GRM8: variants seen among roughly 807,000 people sequenced by gnomAD.
GRM8 encodes the protein glutamate metabotropic receptor 8.
A neutral mutation model predicts 87.2 loss-of-function variants in GRM8; 47 were observed. The observed-to-expected ratio is 0.54, with a 90% CI of 0.43 to 0.69. The LOEUF (loss-of-function observed/expected upper bound fraction) is 0.69. Ranked by LOEUF, GRM8 falls within the 30% of genes least tolerant of loss-of-function variation. The pLI, the probability that GRM8 is intolerant of heterozygous loss-of-function variation, is 0.00. For missense variants in GRM8, 1,019 were observed against 1,139.2 expected (o/e 0.89, Z 1.52); for synonymous variants, 396 against 404.5 (o/e 0.98, Z 0.25).
intron 6 of GRM8, among the ~76,000 whole-genome samples, chr7:126,832,348 C>T (rs1330753128): frequency 2.0e-5 from 3 of 152,060 alleles, no homozygotes; most frequent in Non-Finnish European, 4.4e-5. Context: ...CAAACATCGT[C>T]TTACTTGTCT....
At chr7:126,588,481 T>C (rs991294329) in intron 8 of GRM8, among the ~76,000 whole-genome samples, 1 of 152,156 alleles carries the variant, frequency 6.6e-6, no homozygotes. Flanking sequence ...TAAATCATTC[T>C]ACCAAAAAGA....
intron 2 of GRM8, among the ~76,000 whole-genome samples, chr7:127,156,711 T>G (rs1433327501): frequency 6.6e-6 from 1 of 152,004 alleles, no homozygotes; most frequent in African/African-American, 2.4e-5. Flanking sequence ...CTGAACAACT[T>G]ACACCCAATA....
intron 9 of GRM8, chr7:126,511,552 CT>C (rs1376463454): frequency 6.6e-6 from 1 of 152,040 alleles, no homozygotes; most frequent in Admixed American, 6.6e-5. Context: ...TATCATAAGG[CT>C]AGTTACCAGA....
chr7:127,015,752 G>T (rs1302419063), intron 3 of GRM8, among the ~76,000 whole-genome samples: 1 of 152,058 alleles, frequency 6.6e-6, no homozygotes, highest in Admixed American at 6.6e-5. Context: ...CTATGTTTTT[G>T]ATAGAGCTGA....
chr7:126,848,006 G>A (rs1796863771), intron 6 of GRM8, among the ~76,000 whole-genome samples: 1 of 152,324 alleles, frequency 6.6e-6, no homozygotes, highest in African/African-American at 2.4e-5. Flanking sequence ...GGAGAGACCA[G>A]TTAGGAGGTT....
At chr7:126,483,594 G>C (rs1323556592) in intron 9 of GRM8, among the ~76,000 whole-genome samples, 3 of 150,502 alleles carry the variant, frequency 2.0e-5, no homozygotes, top group Admixed American at 6.7e-5. Flanking sequence ...ATCTGGTCTA[G>C]AGTATATATA....
At chr7:127,090,524 T>C (rs981672563) in intron 3 of GRM8, among the ~76,000 whole-genome samples, 1 of 152,250 alleles carries the variant, frequency 6.6e-6, no homozygotes, top group Non-Finnish European at 1.5e-5. Context: ...TTGTCTGACA[T>C]AGCAGATCTC....
intron 9 of GRM8, among the ~76,000 whole-genome samples, chr7:126,477,446 T>C (rs1398194179): frequency 1.3e-5 from 2 of 152,070 alleles, no homozygotes; most frequent in African/African-American, 2.4e-5. Context: ...TTTATTGTGG[T>C]AATTATTTCC....
chr7:126,949,624 C>T (rs17865377), intron 3 of GRM8, among the ~76,000 whole-genome samples: 1 of 152,268 alleles, frequency 6.6e-6, no homozygotes, highest in African/African-American at 2.4e-5. Context: ...GGAAACTTTG[C>T]TGAAATTTTA....
At chr7:127,095,715 C>A (rs548807254) in intron 3 of GRM8, 1 of 152,178 alleles carries the variant, frequency 6.6e-6, no homozygotes, top group African/African-American at 2.4e-5. Flanking sequence ...CATGCCAGGT[C>A]TTTTCATTAC....
At chr7:127,083,925 T>C (rs963964898) in intron 3 of GRM8, among the ~76,000 whole-genome samples, 2 of 152,194 alleles carry the variant, frequency 1.3e-5, no homozygotes, top group African/African-American at 4.8e-5. Flanking sequence ...GACAGTGCTA[T>C]GTTCTGTTCA....
intron 8 of GRM8, among the ~76,000 whole-genome samples, chr7:126,535,494 CCTGCAGAGCAGG>C (rs1815555197): frequency 6.6e-6 from 1 of 152,184 alleles, no homozygotes; most frequent in Non-Finnish European, 1.5e-5. Context: ...CATGACTGTT[CCTGCAGAGCAGG>C]AGCAGCAGGC....
chr7:126,905,727 T>C (rs1186480151), intron 3 of GRM8, among the ~76,000 whole-genome samples: 6 of 152,124 alleles, frequency 3.9e-5, no homozygotes, highest in Admixed American at 1.3e-4. Flanking sequence ...GAAATAGGCA[T>C]TTGAATAAGT....
chr7:126,545,573 A>G (rs73722647), intron 8 of GRM8, among the ~76,000 whole-genome samples: 3,925 of 152,246 alleles, frequency 0.026, 160 homozygotes, highest in African/African-American at 0.089. Flanking sequence ...TTAATGTGAT[A>G]TTTTTGTGAA....
chr7:127,064,680 GA>G (rs981360402), intron 3 of GRM8, among the ~76,000 whole-genome samples: 2 of 151,934 alleles, frequency 1.3e-5, no homozygotes, highest in Non-Finnish European at 2.9e-5. Context: ...ATTTATAAGA[GA>G]AAACCCCATT....
At chr7:127,239,346 C>G (rs895813786) in intron 2 of GRM8, among the ~76,000 whole-genome samples, 3 of 152,144 alleles carry the variant, frequency 2.0e-5, no homozygotes, top group Non-Finnish European at 4.4e-5. Flanking sequence ...AATTAAGACC[C>G]TGTTTGTATT....
At chr7:127,222,609 G>T (rs1012514246) in intron 2 of GRM8, among the ~76,000 whole-genome samples, 5 of 152,160 alleles carry the variant, frequency 3.3e-5, no homozygotes, top group Non-Finnish European at 7.3e-5. Flanking sequence ...GTTTGCACTG[G>T]TTTCTTTCAC....
chr7:126,869,221 C>T (rs1186672188), intron 6 of GRM8: 1 of 152,234 alleles, frequency 6.6e-6, no homozygotes, highest in African/African-American at 2.4e-5. Flanking sequence ...GACTCCACTT[C>T]TAATTCTAGT....
At chr7:126,931,466 C>A (rs1266614917) in intron 3 of GRM8, among the ~76,000 whole-genome samples, 3 of 152,024 alleles carry the variant, frequency 2.0e-5, no homozygotes, top group African/African-American at 7.2e-5. Context: ...GGTTAACAAA[C>A]AATAGATTAA....
Sources: gnomAD v4.1 joint callset for allele counts (sites outside exome capture counted in the v4.1 genomes callset) on GRCh38, gnomAD v4.1.1 for gene constraint, MANE v1.5 for transcripts, NCBI Gene and HGNC (gene_info 2026-07-23, HGNC 2026-07-21) for gene names.